Variants in CENPC observed in about 807,000 individuals in gnomAD.
The protein encoded by CENPC is CENP-C 1.
CENPC carries 63 observed loss-of-function variants against 112.1 expected under a neutral mutation model. The observed-to-expected ratio is 0.56, with a 90% confidence interval of 0.46 to 0.69. CENPC has a LOEUF of 0.69. Ranked by LOEUF, CENPC falls within the 30% of genes least tolerant of loss-of-function variation. CENPC has a pLI of 0.00. For missense variants in CENPC, 1,000 were observed against 1,103.8 expected (o/e 0.91, Z 1.33); for synonymous variants, 333 against 367.6 (o/e 0.91, Z 1.08).
intron 5 of CENPC, among the ~76,000 whole-genome samples, chr4:67,530,559 T>A (rs1402040234): frequency 6.6e-5 from 10 of 151,636 alleles, no homozygotes; most frequent in African/African-American, 2.4e-4. Flanking sequence ...ACTCTTTTAA[T>A]CTGAAAAATA....
intron 7 of CENPC, 122 bp downstream of exon 7, chr4:67,518,034 C>A: frequency 1.7e-6 from 1 of 574,600 alleles, no homozygotes; most frequent in Non-Finnish European, 2.8e-6. Context: ...GAAAAAATTT[C>A]AATTAAAATT....
chr4:67,514,543 C>A lies in CENPC; in HGVS notation c.975G>T (p.Gly325=). The change falls in exon 8 of 19, where the codon GGG becomes GGT. Residue 325 remains glycine, a synonymous_variant. Coordinates refer to ENST00000273853, the MANE Select transcript of CENPC (RefSeq NM_001812.4). ...GGGATATTGTGCGTTGTTTCAGAGA[C>A]CCTGCCTTTCTTGGTATTGTAATCC... ...RSWITIPRKA[G]SLKQRTISPA... The A allele has an allele frequency of 2.5e-6, 4 of 1,612,264 alleles. No individual in the cohort carries two copies. Among genetic ancestry groups the A allele is most frequent in the Non-Finnish European group, 2.5e-6 (3 of 1,179,160 alleles).
intron 17 of CENPC, among the ~76,000 whole-genome samples, chr4:67,488,937 T>A (rs1163780623): frequency 1.3e-5 from 2 of 151,758 alleles, no homozygotes; most frequent in South Asian, 4.1e-4. Flanking sequence ...AACTCAAGAG[T>A]CTTCACAATT....
chr4:67,530,105 TA>T (rs1182620722), intron 5 of CENPC, among the ~76,000 whole-genome samples: 2 of 152,070 alleles, frequency 1.3e-5, no homozygotes, highest in East Asian at 1.9e-4. Context: ...TTTTATTTTT[TA>T]AAAAAAGGTT....
chr4:67,525,777 T>C (rs1196821648), intron 5 of CENPC, among the ~76,000 whole-genome samples: 1 of 152,094 alleles, frequency 6.6e-6, no homozygotes, highest in Non-Finnish European at 1.5e-5. Context: ...GCCTCAAGGA[T>C]CTAGAACCAG....
rs973953632 is a variant in CENPC, at chr4:67,492,825, T to C, written c.2419+44A>G. 6.0e-6 allele frequency: 9 copies of C among 1,488,206 alleles called. No homozygotes were observed. In the Admixed American group the frequency reaches 7.2e-5, roughly 12 times the overall value. 92.2% of individuals were successfully genotyped at this position (1,488,206 alleles called of 1,614,324 possible). A position where few individuals can be genotyped will look rare whatever the true frequency, so the allele number is the denominator to read the frequency against. On this transcript the variant is annotated intron_variant, in intron 15 of 18. Coordinates refer to ENST00000273853, the MANE Select transcript of CENPC (RefSeq NM_001812.4). ...AGAGCTTCTTCTCAAAGTACTCCTATTTAAAATAAAATCTAAAAGTTACTT... is the reference window on the plus strand; with the variant it reads ...AGAGCTTCTTCTCAAAGTACTCCTACTTAAAATAAAATCTAAAAGTTACTT...
At chr4:67,488,872 T>C (rs889793177) in intron 17 of CENPC, among the ~76,000 whole-genome samples, 1 of 151,998 alleles carries the variant, frequency 6.6e-6, no homozygotes, top group Non-Finnish European at 1.5e-5. Flanking sequence ...AATCTTTGAC[T>C]TTCATATGTA....
chr4:67,481,792 T>C (rs564576375), intron 17 of CENPC, among the ~76,000 whole-genome samples: 2 of 152,268 alleles, frequency 1.3e-5, no homozygotes, highest in African/African-American at 4.8e-5. Flanking sequence ...CCTGAAGCCA[T>C]GAAAATTCTA....
Position 67,469,662 on chromosome 4 carries a change from A to T in CENPC, c.*2943T>A, listed in dbSNP as rs561138415. ...CCGGGTAGAAGTCTCTTTCTTTAAG[A>T]CCCTTCATGAGCATGAGGGCTGCCT... On this transcript the variant is annotated 3_prime_UTR_variant, in exon 19 of 19. Transcript: ENST00000273853. 116 of 152,260 alleles carry T rather than the reference A, an allele frequency of 7.6e-4. No homozygotes were observed. The highest frequency in any genetic ancestry group is 2.4e-3 in the Admixed American group (36 of 15,294). The allele number at this position is 152,260 out of a possible 1,614,324, so 9.4% of individuals were successfully genotyped here. A position where few individuals can be genotyped will look rare whatever the true frequency, so the allele number is the denominator to read the frequency against.
intron 7 of CENPC, among the ~76,000 whole-genome samples, chr4:67,517,452 G>A (rs920987108): frequency 2.0e-5 from 3 of 151,304 alleles, no homozygotes; most frequent in African/African-American, 7.3e-5. Context: ...ATGAGCCACC[G>A]CGCCCAGCAA....
At chr4:67,540,497 G>A (rs1178935618) in intron 3 of CENPC, among the ~76,000 whole-genome samples, 1 of 151,916 alleles carries the variant, frequency 6.6e-6, no homozygotes, top group Non-Finnish European at 1.5e-5. Context: ...GGTGAAACCT[G>A]GTCTCTACTA....
At chr4:67,506,033 C>A (rs1247277536) in intron 11 of CENPC, among the ~76,000 whole-genome samples, 1 of 152,068 alleles carries the variant, frequency 6.6e-6, no homozygotes, top group African/African-American at 2.4e-5. Flanking sequence ...CTCTTTCTAC[C>A]TATTATGAAC....
chr4:67,533,238 G>A (rs957628562), intron 4 of CENPC, among the ~76,000 whole-genome samples: 28 of 152,184 alleles, frequency 1.8e-4, no homozygotes, highest in African/African-American at 6.8e-4. Flanking sequence ...AAGATCTCAT[G>A]GGTTTATCAG....
Position 67,518,447 on chromosome 4 carries a change from G to C in CENPC, c.618-79C>G, listed in dbSNP as rs1057219815. The C allele has an allele frequency of 2.9e-6, 4 of 1,371,444 alleles. No homozygotes were observed. In the African/African-American group the frequency reaches 5.9e-5, roughly 20 times the overall value. The allele number at this position is 1,371,444 out of a possible 1,614,324, so 85.0% of individuals were successfully genotyped here. A position where few individuals can be genotyped will look rare whatever the true frequency, so the allele number is the denominator to read the frequency against. On this transcript the variant is annotated intron_variant, in intron 6 of 18. Transcript: ENST00000273853. ...ATAAGTCTTCCTGAACTCCTTTACAGAGACAATACAGACCAATTTAAAATT... is the reference window on the plus strand; with the variant it reads ...ATAAGTCTTCCTGAACTCCTTTACACAGACAATACAGACCAATTTAAAATT...
At chr4:67,497,777 C>A (rs1459519201) in intron 12 of CENPC, among the ~76,000 whole-genome samples, 1 of 130,214 alleles carries the variant, frequency 7.7e-6, no homozygotes, top group Non-Finnish European at 1.6e-5. Flanking sequence ...AAGTGACCGG[C>A]CTCGCCTCCC....
intron 8 of CENPC, 42 bp from the exon 9 acceptor site, chr4:67,512,611 A>G (rs1725928000): frequency 7.3e-7 from 1 of 1,373,978 alleles, no homozygotes. Flanking sequence ...CAATCTACTA[A>G]AAGAGTTTTC....
intron 10 of CENPC, 147 bp from the exon 11 acceptor site, chr4:67,507,081 T>C: frequency 1.8e-6 from 1 of 551,774 alleles, no homozygotes; most frequent in Non-Finnish European, 3.0e-6. Flanking sequence ...GACTTGCAAC[T>C]AGCTAAGGAA....
At chr4:67,512,185 G>A (rs892419588) in intron 9 of CENPC, 1 of 391,520 alleles carries the variant, frequency 2.6e-6, no homozygotes, top group Non-Finnish European at 4.4e-6. Context: ...TCTGGTTTGG[G>A]GTTTTGTTTT....
At chr4:67,477,612 G>C (rs954466544) in intron 17 of CENPC, among the ~76,000 whole-genome samples, 1 of 152,116 alleles carries the variant, frequency 6.6e-6, no homozygotes, top group Non-Finnish European at 1.5e-5. Flanking sequence ...GAAGAAACCA[G>C]AAAAACAATT....
Sources: gnomAD v4.1 joint callset for allele counts (sites outside exome capture counted in the v4.1 genomes callset) on GRCh38, gnomAD v4.1.1 for gene constraint, MANE v1.5 for transcripts, NCBI Gene and HGNC (gene_info 2026-07-23, HGNC 2026-07-21) for gene names.